Variants in PSG2 observed in about 807,000 individuals in gnomAD.
The protein encoded by PSG2 is pregnancy specific beta-1-glycoprotein 2, also known as pregnancy-specific beta-1-glycoprotein 2.
Under a neutral mutation model 36.2 loss-of-function variants are expected in PSG2, and 49 were observed. That is an observed-to-expected ratio of 1.35 (90% CI 1.08 to 1.72). PSG2 has a LOEUF of 1.72. PSG2 is among the 40% of genes most tolerant of loss of function. PSG2 has a pLI of 0.00. For synonymous variants in PSG2, 261 were observed against 155.6 expected (o/e 1.68, Z -5.04); for missense variants, 605 against 407.2 (o/e 1.49, Z -4.18).
chr19:43,078,494 C>G (rs1035267972), intron 2 of PSG2, among the ~76,000 whole-genome samples: 1 of 151,636 alleles, frequency 6.6e-6, no homozygotes, highest in Non-Finnish European at 1.5e-5. Flanking sequence ...TGCATTCTGG[C>G]AACTGGCTGA....
At position 43,082,291 on chromosome 19, in the gene PSG2, C is replaced by T. The variant is rs142629224; in HGVS notation, c.64+215G>A. ...GAGTAGCTGGAATTACAGGAACACACGACAATACCTGGTTAATTTTTTGTA... is the reference window on the plus strand; with the variant it reads ...GAGTAGCTGGAATTACAGGAACACATGACAATACCTGGTTAATTTTTTGTA... On this transcript the variant is annotated intron_variant, in intron 1 of 5. Coordinates refer to ENST00000406487, the MANE Select transcript of PSG2 (RefSeq NM_031246.4). 1.2e-4 allele frequency: 84 copies of T among 680,714 alleles called. 1 individual carries two copies. In the East Asian group the frequency reaches 1.9e-3, roughly 15 times the overall value. The allele number at this position is 680,714 out of a possible 1,614,324, so 42.2% of individuals were successfully genotyped here. A position where few individuals can be genotyped will look rare whatever the true frequency, so the allele number is the denominator to read the frequency against.
intron 4 of PSG2, among the ~76,000 whole-genome samples, 197 bp downstream of exon 4, chr19:43,071,503 G>T (rs1018872408): frequency 6.6e-5 from 10 of 151,622 alleles, no homozygotes; most frequent in Non-Finnish European, 1.5e-4. Flanking sequence ...GAGACACAAG[G>T]TCAGCCATGA....
In PSG2 at chr19:43,082,330, C is replaced by T. The variant is rs531763705; in HGVS notation, c.64+176G>A. ...TAATTTTTTGTATTTTTAGTAGAGA[C>T]AGGGCTACACTGTGTTGGCCAGACT... is the stretch of plus-strand genomic sequence containing the variant. On this transcript the variant is annotated intron_variant, in intron 1 of 5. Transcript: ENST00000406487. 5.2e-4 allele frequency: 506 copies of T among 970,798 alleles called. 14 individuals are homozygous for T. In the African/African-American group the frequency reaches 7.7e-3, roughly 15 times the overall value. The allele number at this position is 970,798 out of a possible 1,614,324, so 60.1% of individuals were successfully genotyped here.
rs1167798516 is a variant in PSG2 at position 43,075,424 on chromosome 19, TC to T, written c.638del (p.Gly213AspfsTer21). The T allele has an allele frequency of 1.2e-5, 19 of 1,612,972 alleles. No individual in the cohort carries two copies. Among genetic ancestry groups the T allele is most frequent in the Non-Finnish European group, 1.5e-5 (18 of 1,179,666 alleles). The stretch of plus-strand genomic sequence containing the variant: ...AGTTCCGTATTTCACATTCATAGGG[TC>T]CTGCAGTATACTTTGTGACACCAAA... ...FLFGVTKYTA[G>X]PYECEIRNSG... On this transcript the variant is annotated frameshift_variant, in exon 3 of 6. Coordinates refer to ENST00000406487, the MANE Select transcript of PSG2 (RefSeq NM_031246.4). LOFTEE classifies it high-confidence loss of function.
rs1967949323 is a variant in PSG2 at position 43,079,998 on chromosome 19, G to A, written c.430+883C>T. ...AAATAAGCTAAATGGCAAATGGACT[G>A]TGGCTTTTCATGCTATCTGTGAATA... On this transcript the variant is annotated intron_variant, in intron 2 of 5. Transcript: ENST00000406487. Among the ~76,000 whole-genome samples the A allele has an allele frequency of 2.0e-5, 3 of 151,744 alleles. No individual in the cohort carries two copies. In the South Asian group the frequency reaches 6.2e-4, roughly 31 times the overall value.
rs1051312952 is a variant in PSG2 at position 43,070,353 on chromosome 19, C to A, written c.964+1347G>T. Among the ~76,000 whole-genome samples the A allele has an allele frequency of 2.6e-5, 4 of 151,618 alleles. No homozygotes were observed. In the South Asian group the frequency reaches 6.2e-4, roughly 24 times the overall value. ...TCCAGCAATTCCACTTCTGGACATA[C>A]TCCCCATAGAATTGAAAGAAATTTG... On this transcript the variant is annotated intron_variant, in intron 4 of 5. Transcript: ENST00000406487.
chr19:43,067,637 G>A (rs1967758144), intron 4 of PSG2, among the ~76,000 whole-genome samples: 1 of 151,216 alleles, frequency 6.6e-6, no homozygotes, highest in South Asian at 2.1e-4. Context: ...GGTGTCATAT[G>A]GCTAGTGACA....
rs1303520195 is a variant in PSG2, at chr19:43,082,461, C to G, written c.64+45G>C. On this transcript the variant is annotated intron_variant, in intron 1 of 5. Coordinates refer to ENST00000406487, the MANE Select transcript of PSG2 (RefSeq NM_031246.4). ...CTCTCCAGGAGACCCCATCCAGTCA[C>G]TCTTCTTCCTCCTCCTGTCCTCTCC... The G allele has an allele frequency of 3.1e-6, 5 of 1,598,570 alleles. No individual in the cohort carries two copies. The South Asian group carries it at 4.4e-5, about 14-fold the overall frequency.
rs1475148840 is a variant in PSG2, at chr19:43,081,090, T to C, written c.221A>G (p.Asp74Gly). The C allele has an allele frequency of 6.2e-7, 1 of 1,612,534 alleles. No homozygotes were observed. The highest frequency in any genetic ancestry group is 1.4e-5 in the African/African-American group (1 of 74,070). Residue 74 changes from aspartate (D) to glycine (G), a missense_variant, in exon 2 of 6, where the codon GAC becomes GGC. By Grantham distance (94) the Asp-to-Gly change is moderately conservative. Transcript: ENST00000406487. ...GYIWYKGQIRDLYHYITSYVV... is the reference protein window; with the variant it reads ...GYIWYKGQIRGLYHYITSYVV... ...ATATGATGTAATGTAATGGTAGAGGTCCCTGATTTGCCCTTTGTACCAGAT... is the reference window on the plus strand; with the variant it reads ...ATATGATGTAATGTAATGGTAGAGGCCCCTGATTTGCCCTTTGTACCAGAT...
intron 4 of PSG2, among the ~76,000 whole-genome samples, chr19:43,068,109 A>T (rs1274782598): frequency 6.6e-6 from 1 of 151,408 alleles, no homozygotes; most frequent in African/African-American, 2.4e-5. Context: ...TGACTAAGAA[A>T]AAAAGAGAAA....
intron 3 of PSG2, among the ~76,000 whole-genome samples, chr19:43,074,317 C>A (rs1046914300): frequency 6.6e-6 from 1 of 151,666 alleles, no homozygotes; most frequent in Non-Finnish European, 1.5e-5. Flanking sequence ...TTGAGTCTTC[C>A]AATCCATGAA....
chr19:43,073,451 A>T lies in PSG2; in HGVS notation c.710-1497T>A, dbSNP rs1967847741. The stretch of plus-strand genomic sequence containing the variant: ...AATACATGCGGACATTTGCAAAAGC[A>T]GAACTGACTGGTGGAAAGGGTGGGA... On this transcript the variant is annotated intron_variant, in intron 3 of 5. Coordinates refer to ENST00000406487, the MANE Select transcript of PSG2 (RefSeq NM_031246.4). 1.3e-5 allele frequency among the ~76,000 whole-genome samples: 2 copies of T among 151,536 alleles called. 1 individual carries two copies. The highest frequency in any genetic ancestry group is 2.9e-5 in the Non-Finnish European group (2 of 68,002).
Position 43,071,854 on chromosome 19 carries a change from C to G in PSG2, c.810G>C (p.Gln270His). The G allele has an allele frequency of 6.8e-6, 11 of 1,613,160 alleles. 1 individual carries two copies. Among genetic ancestry groups the G allele is most frequent in the Non-Finnish European group, 8.5e-6 (10 of 1,179,636 alleles). The change falls in exon 4 of 6, where the codon CAG becomes CAC. Residue 270 changes from glutamine (Q) to histidine (H), a missense_variant. Physicochemically the swap from Gln to His is conservative, Grantham distance 24. Coordinates refer to ENST00000406487, the MANE Select transcript of PSG2 (RefSeq NM_031246.4). ...ACTTCCCATTAATTGTCCAAGAATA[C>G]TGTGCCGGTGGGTTAGAGTTCGCGA... ...SCFANSNPPAQYSWTINGKFQ... is the reference protein window; with the variant it reads ...SCFANSNPPAHYSWTINGKFQ...
intron 2 of PSG2, among the ~76,000 whole-genome samples, chr19:43,077,378 T>C (rs1170527585): frequency 6.6e-6 from 1 of 151,818 alleles, no homozygotes; most frequent in African/African-American, 2.4e-5. Flanking sequence ...TTAGTAAATA[T>C]AGAAAGAACT....
At position 43,082,649 on chromosome 19, in the gene PSG2, G is replaced by A. The variant is rs1765221063; in HGVS notation, c.-80C>T. 2 of 1,572,166 alleles carry A rather than the reference G, an allele frequency of 1.3e-6. No homozygotes were observed. The highest frequency in any genetic ancestry group is 1.1e-5 in the South Asian group (1 of 88,738). On this transcript the variant is annotated 5_prime_UTR_variant, in exon 1 of 6. Coordinates refer to ENST00000406487, the MANE Select transcript of PSG2 (RefSeq NM_031246.4). ...CTTCCTGAGCACGGCTGTCAGCTGT[G>A]CTGTCCTTCCTCCTTCTGCACTGAG...
rs952835660 is a variant in PSG2, at chr19:43,065,087, G to A, written c.*41-486C>T. On this transcript the variant is annotated intron_variant, in intron 5 of 5. Transcript: ENST00000406487. ...CCTGACCTCGTGATCTACCCACCTCGGCCTCCCAAACTCCTGGGATTGCAG... is the reference window on the plus strand; with the variant it reads ...CCTGACCTCGTGATCTACCCACCTCAGCCTCCCAAACTCCTGGGATTGCAG... Among the ~76,000 whole-genome samples the A allele has an allele frequency of 3.4e-4, 51 of 151,570 alleles. 1 individual carries two copies. The highest frequency in any genetic ancestry group is 1.1e-3 in the African/African-American group (47 of 41,020).
intron 4 of PSG2, among the ~76,000 whole-genome samples, chr19:43,071,085 C>A (rs1179577928): frequency 6.6e-6 from 1 of 151,442 alleles, no homozygotes; most frequent in Non-Finnish European, 1.5e-5. Flanking sequence ...GCAGCCTGGC[C>A]CGGGGGAGGC....
chr19:43,073,553 C>G (rs551562007), intron 3 of PSG2, among the ~76,000 whole-genome samples: 1 of 151,772 alleles, frequency 6.6e-6, no homozygotes, highest in African/African-American at 2.4e-5. Context: ...AGAAGTTTTT[C>G]AAATATTTTC....
rs575097582 is a variant in PSG2 at position 43,068,006 on chromosome 19, A to G, written c.965-1406T>C. Among the ~76,000 whole-genome samples, 3 of 151,694 alleles carry G rather than the reference A, an allele frequency of 2.0e-5. No individual in the cohort carries two copies. The South Asian group carries it at 6.2e-4, about 31-fold the overall frequency. ...TAAGGATTAGAGTGGACATAAATAAAATGGAGAACGGAAACAGAATAGAGG... is the reference window on the plus strand; with the variant it reads ...TAAGGATTAGAGTGGACATAAATAAGATGGAGAACGGAAACAGAATAGAGG... On this transcript the variant is annotated intron_variant, in intron 4 of 5. Transcript: ENST00000406487.
Sources: gnomAD v4.1 joint callset for allele counts (sites outside exome capture counted in the v4.1 genomes callset) on GRCh38, gnomAD v4.1.1 for gene constraint, MANE v1.5 for transcripts, NCBI Gene and HGNC (gene_info 2026-07-23, HGNC 2026-07-21) for gene names.